Variants in NARF observed in about 807,000 individuals in gnomAD.
NARF encodes the protein nuclear prelamin A recognition factor.
Under a neutral mutation model 48.0 loss-of-function variants are expected in NARF, and 41 were observed. The ratio of observed to expected loss-of-function variants is 0.85; its 90% CI spans 0.66 to 1.11. The LOEUF (loss-of-function observed/expected upper bound fraction) is 1.11, where lower values mean the gene tolerates loss of function less well. Ranked by LOEUF, NARF falls within the 50% of genes least tolerant of loss-of-function variation. The pLI, the probability that NARF is intolerant of heterozygous loss-of-function variation, is 0.00. For missense variants in NARF, 613 were observed against 590.2 expected, an observed-to-expected ratio of 1.04 and a Z score of -0.40; for synonymous variants, 215 against 225.5, an observed-to-expected ratio of 0.95 and a Z score of 0.42.
upstream of NARF, chr17:82,458,717 G>T (rs954623652): frequency 1.4e-5 from 20 of 1,421,028 alleles, no homozygotes; most frequent in Non-Finnish European, 1.8e-5. Context: ...GGACAACAAA[G>T]GGCCGCGGGC....
intron 3 of NARF, among the ~76,000 whole-genome samples, chr17:82,465,852 C>T (rs972448094): frequency 1.3e-5 from 2 of 152,226 alleles, no homozygotes; most frequent in African/African-American, 4.8e-5. Context: ...AGGCATCAGC[C>T]ACCACCCATG....
chr17:82,467,552 A>G (rs1035867576), intron 3 of NARF, among the ~76,000 whole-genome samples: 1 of 151,874 alleles, frequency 6.6e-6, no homozygotes, highest in Non-Finnish European at 1.5e-5. Context: ...CAGTGGAGCA[A>G]TCTCAGCTCA....
In NARF at chr17:82,488,125, C is replaced by T. The variant is rs771060199; in HGVS notation, c.1339C>T (p.Arg447Cys). The T allele has an allele frequency of 1.1e-5, 18 of 1,613,826 alleles. No homozygotes were observed. Among genetic ancestry groups the T allele is most frequent in the South Asian group, 4.4e-5 (4 of 91,080 alleles). Reference sequence around the variant, plus strand: ...GCATACCACGTACCAGAGCCAGGAGCGTGGCACACACAGCCTGGACATCAA... The same window carrying T: ...GCATACCACGTACCAGAGCCAGGAGTGTGGCACACACAGCCTGGACATCAA... ...VLHTTYQSQE[R>C]GTHSLDIKW Residue 447 changes from arginine (R) to cysteine (C), a missense_variant, in exon 11 of 11, where the codon CGT (arginine) becomes TGT (cysteine). Coordinates refer to ENST00000309794, the MANE Select transcript of NARF (RefSeq NM_012336.4).
chr17:82,466,108 C>G (rs1024444819), intron 3 of NARF, among the ~76,000 whole-genome samples: 2 of 152,172 alleles, frequency 1.3e-5, no homozygotes, highest in Non-Finnish European at 2.9e-5. Flanking sequence ...CATTTTGTTA[C>G]GTTGAACAGA....
intron 6 of NARF, chr17:82,480,376 C>T (rs1184707190): frequency 2.5e-6 from 1 of 401,774 alleles, no homozygotes; most frequent in Admixed American, 4.4e-5. Flanking sequence ...GGCTGGACTT[C>T]CTCTTACTTG....
intron 8 of NARF, 105 bp downstream of exon 8, chr17:82,483,884 G>A (rs993898541): frequency 3.1e-5 from 32 of 1,041,860 alleles, no homozygotes; most frequent in Non-Finnish European, 4.5e-5. Context: ...ACGAGGCCAT[G>A]TGAAGCACTG....
chr17:82,458,988 C>T (rs2043358677), intron 1 of NARF, 158 bp downstream of exon 1: 1 of 1,213,516 alleles, frequency 8.2e-7, no homozygotes, highest in Non-Finnish European at 1.0e-6. Context: ...TGGAGGCGGC[C>T]GGCGCGGGGT....
chr17:82,483,372 T>C lies in NARF; in HGVS notation c.770-344T>C, dbSNP rs542074271. 4 of 309,334 alleles carry C rather than the reference T, an allele frequency of 1.3e-5. No individual in the cohort carries two copies. The East Asian group carries it at 4.0e-4, about 31-fold the overall frequency. The allele number at this position is 309,334 out of a possible 1,614,324, so 19.2% of individuals were successfully genotyped here. On this transcript the variant is annotated intron_variant, in intron 7 of 10. Coordinates refer to ENST00000309794, the MANE Select transcript of NARF (RefSeq NM_012336.4). ...ATTTCATCATCCTATCTCTGTGAGC[T>C]TGTTATACACAAAAGTTTTCTGTTT...
chr17:82,458,932 G>T, intron 1 of NARF, 102 bp downstream of exon 1: 6 of 1,236,946 alleles, frequency 4.9e-6, no homozygotes, highest in Non-Finnish European at 6.1e-6. Flanking sequence ...TCGCTTCAGG[G>T]CTCTTCAAGG....
intron 6 of NARF, 133 bp from the exon 7 acceptor site, chr17:82,480,949 A>AT: frequency 9.7e-6 from 9 of 928,912 alleles, no homozygotes; most frequent in Non-Finnish European, 1.4e-5. Context: ...AAAAAAAAAA[A>AT]GAGTGCAGCA....
At position 82,484,771 on chromosome 17, in the gene NARF, G is replaced by A. The variant is rs78177257; in HGVS notation, c.834-42G>A. 2.7e-3 allele frequency: 4,168 copies of A among 1,544,380 alleles called. 114 individuals carry two copies. In the African/African-American group the frequency reaches 0.052, roughly 19 times the overall value. The stretch of plus-strand genomic sequence containing the variant: ...GGTTTCACTCTTTCTGTCACTGTAC[G>A]TCAGCATTCATGAAGGACTTGTATT... On this transcript the variant is annotated intron_variant, in intron 8 of 10. Coordinates refer to ENST00000309794, the MANE Select transcript of NARF (RefSeq NM_012336.4).
rs1281316421 is a variant in NARF, at chr17:82,468,851, G to A, written c.340G>A (p.Val114Ile). 7 of 1,613,998 alleles carry A rather than the reference G, an allele frequency of 4.3e-6. No individual in the cohort carries two copies. The highest frequency in any genetic ancestry group is 5.9e-6 in the Non-Finnish European group (7 of 1,179,992). The change falls in exon 4 of 11, where the codon GTA becomes ATA. Residue 114 changes from valine to isoleucine, a missense_variant. Physicochemically the swap from Val to Ile is conservative, Grantham distance 29. Transcript: ENST00000309794. ...PYFAAKFNLS[V>I]TDASRRLCGF... ...TTTTGCTGCTAAATTCAACCTCAGTGTAACTGATGCATCCAGAAGACTCTG... is the reference window on the plus strand; with the variant it reads ...TTTTGCTGCTAAATTCAACCTCAGTATAACTGATGCATCCAGAAGACTCTG...
chr17:82,466,952 C>T (rs1262892249), intron 3 of NARF, among the ~76,000 whole-genome samples: 1 of 152,100 alleles, frequency 6.6e-6, no homozygotes, highest in African/African-American at 2.4e-5. Context: ...CTTGGCCTCC[C>T]AAAGTGCTGG....
chr17:82,483,749 T>G lies in NARF; in HGVS notation c.803T>G (p.Leu268Arg). The change falls in exon 8 of 11, where the codon CTC becomes CGC. Residue 268 changes from leucine to arginine, a missense_variant. Transcript: ENST00000309794. ...EIAQIMEQGD[L>R]SVRDAAVDTL... ...GCTCAAATAATGGAGCAAGGTGACC[T>G]CTCAGTGAGAGATGCTGCCGTCGAC... is the stretch of plus-strand genomic sequence containing the variant. 1 of 1,613,868 alleles carries G rather than the reference T, an allele frequency of 6.2e-7. No individual in the cohort carries two copies. Among genetic ancestry groups the G allele is most frequent in the South Asian group, 1.1e-5 (1 of 91,070 alleles).
intron 4 of NARF, among the ~76,000 whole-genome samples, chr17:82,472,196 G>A (rs946207310): frequency 2.3e-4 from 35 of 151,920 alleles, no homozygotes; most frequent in Admixed American, 1.3e-3. Context: ...GAATGAAGAA[G>A]TATTGGCTGG....
chr17:82,485,522 C>A lies in NARF; in HGVS notation c.997C>A (p.Leu333Ile), dbSNP rs1235083357. ...AAACAAAGACTTCCAAGAGGTCACC[C>A]TTGAGAAGAACGGAGAGGTGGTGTT... is the stretch of plus-strand genomic sequence containing the variant. ...LRNKDFQEVTLEKNGEVVLRF... is the reference protein window; with the variant it reads ...LRNKDFQEVTIEKNGEVVLRF... The change falls in exon 10 of 11, where the codon CTT becomes ATT. Residue 333 changes from leucine (L) to isoleucine (I), a missense_variant. Transcript: ENST00000309794. 1.2e-6 allele frequency: 2 copies of A among 1,614,218 alleles called. No homozygotes were observed.
rs146524286 is a variant in NARF at position 82,487,471 on chromosome 17, G to A, written c.1130-445G>A. Among the ~76,000 whole-genome samples the A allele has an allele frequency of 3.8e-3, 545 of 143,604 alleles. 1 individual carries two copies. Among genetic ancestry groups the A allele is most frequent in the African/African-American group, 0.014 (526 of 38,602 alleles). The allele number at this position is 143,604 out of a possible 152,430, so 94.2% of individuals were successfully genotyped here. A position where few individuals can be genotyped will look rare whatever the true frequency, so the allele number is the denominator to read the frequency against. ...TGCACTCCAGCCTGACCAATGGAGA[G>A]AGACTCTGTCTCGAAAAAAAAAAAA... On this transcript the variant is annotated intron_variant, in intron 10 of 10. Coordinates refer to ENST00000309794, the MANE Select transcript of NARF (RefSeq NM_012336.4).
At chr17:82,461,230 C>A (rs1309035510) in intron 2 of NARF, among the ~76,000 whole-genome samples, 1 of 152,042 alleles carries the variant, frequency 6.6e-6, no homozygotes, top group East Asian at 1.9e-4. Flanking sequence ...GGCCTCTCTT[C>A]TAATTCAGTT....
At chr17:82,481,859 G>T in intron 7 of NARF, 1 of 355,426 alleles carries the variant, frequency 2.8e-6, no homozygotes, top group Non-Finnish European at 5.4e-6. Flanking sequence ...AGCCATAGCG[G>T]GTCTCCTAAT....
Sources: gnomAD v4.1 joint callset for allele counts (sites outside exome capture counted in the v4.1 genomes callset) on GRCh38, gnomAD v4.1.1 for gene constraint, MANE v1.5 for transcripts, NCBI Gene and HGNC (gene_info 2026-07-23, HGNC 2026-07-21) for gene names.